The following HEATR5B variants were observed in gnomAD, a reference collection of about 807,000 sequenced individuals.
The protein encoded by HEATR5B is HEAT repeat-containing protein 5B.
HEATR5B carries 156 observed loss-of-function variants against 224.1 expected under a neutral mutation model. The observed-to-expected ratio is 0.70, with a 90% confidence interval of 0.61 to 0.80. HEATR5B has a LOEUF of 0.80. Ranked by LOEUF, HEATR5B falls within the 30% of genes least tolerant of loss-of-function variation. HEATR5B has a pLI of 0.00. For missense variants in HEATR5B, 2,323 were observed against 2,535.5 expected (o/e 0.92, Z 1.80); for synonymous variants, 1,027 against 893.0 (o/e 1.15, Z -2.68).
At chr2:37,082,903 A>T (rs541045576) in intron 2 of HEATR5B, among the ~76,000 whole-genome samples, 1 of 151,544 alleles carries the variant, frequency 6.6e-6, no homozygotes, top group African/African-American at 2.4e-5. Context: ...AATCAAGGCT[A>T]TGCAGGAAGA....
At chr2:37,040,565 T>C in intron 19 of HEATR5B, 47 bp from the exon 20 acceptor site, 1 of 1,420,620 alleles carries the variant, frequency 7.0e-7, no homozygotes, top group Non-Finnish European at 9.8e-7. Flanking sequence ...AGAATTCGAA[T>C]GTACTGAATT....
intron 18 of HEATR5B, among the ~76,000 whole-genome samples, chr2:37,046,101 G>C (rs1279884212): frequency 1.3e-5 from 2 of 152,000 alleles, no homozygotes; most frequent in African/African-American, 4.8e-5. Context: ...ACTTCATTTT[G>C]AACAATGGAA....
At position 37,012,202 on chromosome 2, in the gene HEATR5B, C is replaced by T. The variant is rs539082720; in HGVS notation, c.4284+1639G>A. 1.4e-4 allele frequency among the ~76,000 whole-genome samples: 22 copies of T among 152,122 alleles called. No homozygotes were observed. In the South Asian group the frequency reaches 4.6e-3, roughly 32 times the overall value. On this transcript the variant is annotated intron_variant, in intron 27 of 35. Coordinates refer to ENST00000233099, the MANE Select transcript of HEATR5B (RefSeq NM_019024.3). ...CAGTTTTTTACCTAATGTGTGCGTG[C>T]GTGTGTGTATAATTTCTACCCCAAT...
Position 37,000,170 on chromosome 2 carries a change from C to A in HEATR5B, c.5545+416G>T, listed in dbSNP as rs548556736. 9.2e-5 allele frequency among the ~76,000 whole-genome samples: 14 copies of A among 151,858 alleles called. No individual in the cohort carries two copies. The South Asian group carries it at 2.7e-3, about 29-fold the overall frequency. ...TTGGCTCACCGCAACCTCCACCTCC[C>A]GGGTTCAAGCAATTCTCCTGCCTCA... On this transcript the variant is annotated intron_variant, in intron 33 of 35. Transcript: ENST00000233099.
Position 37,049,777 on chromosome 2 carries a change from T to G in HEATR5B, c.2572A>C (p.Met858Leu), listed in dbSNP as rs1390030211. Residue 858 changes from methionine (M) to leucine (L), a missense_variant, in exon 18 of 36, where the codon ATG (methionine) becomes CTG (leucine). This residue lies in a region of HEATR5B where 170 missense variants were observed against 216.7 expected (regional missense o/e 0.78). Transcript: ENST00000233099. ...GGGTTTGGGTTGTCCAGAGGACCCA[T>G]AACCAGTGTCAGGGCAGATTTACGA... ...EVRKSALTLV[M>L]GPLDNPNPIL... The G allele has an allele frequency of 6.3e-7, 1 of 1,591,374 alleles. No individual in the cohort carries two copies. The highest frequency in any genetic ancestry group is 8.5e-7 in the Non-Finnish European group (1 of 1,172,068).
At chr2:37,008,511 T>G (rs1220814432) in intron 28 of HEATR5B, 100 bp downstream of exon 28, 1 of 811,398 alleles carries the variant, frequency 1.2e-6, no homozygotes, top group Non-Finnish European at 2.1e-6. Flanking sequence ...AAATTTAAAC[T>G]GTTACTATAG....
Position 37,058,496 on chromosome 2 carries a change from T to C in HEATR5B, c.2014A>G (p.Arg672Gly). Residue 672 changes from arginine to glycine, a missense_variant, in exon 14 of 36, where the codon AGA (arginine) becomes GGA (glycine). Coordinates refer to ENST00000233099, the MANE Select transcript of HEATR5B (RefSeq NM_019024.3). ...AACAAAGCCAAGATATCATAAAGTCTTAAACGGACCATTGCAGCACTAGCT... is the reference window on the plus strand; with the variant it reads ...AACAAAGCCAAGATATCATAAAGTCCTAAACGGACCATTGCAGCACTAGCT... ...LKASAAMVRL[R>G]LYDILALLPP... 2 of 1,613,462 alleles carry C rather than the reference T, an allele frequency of 1.2e-6. No homozygotes were observed. The highest frequency in any genetic ancestry group is 1.7e-6 in the Non-Finnish European group (2 of 1,179,446).
At chr2:36,993,736 A>G (rs552197255) in intron 33 of HEATR5B, among the ~76,000 whole-genome samples, 63 of 152,302 alleles carry the variant, frequency 4.1e-4, no homozygotes, top group African/African-American at 1.4e-3. Flanking sequence ...AACATTACAA[A>G]GCAATATGTC....
chr2:37,013,161 C>T (rs746235966), intron 27 of HEATR5B, among the ~76,000 whole-genome samples: 10 of 152,170 alleles, frequency 6.6e-5, no homozygotes, highest in Non-Finnish European at 1.0e-4. Context: ...TTCCCTTAAA[C>T]GTGGTTTCAC....
chr2:36,985,465 T>TG lies in HEATR5B; in HGVS notation c.5911+3180_5911+3181insC, dbSNP rs1019904924. On this transcript the variant is annotated intron_variant, in intron 35 of 35. Transcript: ENST00000233099. The stretch of plus-strand genomic sequence containing the variant: ...CGATGGTGCTTTTTTTTGGTTTTTT[T>TG]TTTTTTTTTTGAGACAGAGTCTCAC... Among the ~76,000 whole-genome samples, 4 of 149,710 alleles carry TG rather than the reference T, an allele frequency of 2.7e-5. No individual in the cohort carries two copies. The South Asian group carries it at 8.5e-4, about 32-fold the overall frequency.
In HEATR5B at chr2:37,002,674, T is replaced by C. The variant is rs1667170950; in HGVS notation, c.5051-102A>G. On this transcript the variant is annotated intron_variant, in intron 31 of 35. Transcript: ENST00000233099. ...TCCTTCAAAAGAATTTATAAGCAAA[T>C]GTCAAATAATGTCACACGTCCTTCT... The C allele has an allele frequency of 2.3e-5, 25 of 1,091,802 alleles. No homozygotes were observed. In the East Asian group the frequency reaches 5.9e-4, roughly 26 times the overall value. The allele number at this position is 1,091,802 out of a possible 1,614,324, so 67.6% of individuals were successfully genotyped here.
In HEATR5B at chr2:37,064,855, C is replaced by T. The variant is rs374609240; in HGVS notation, c.1469G>A (p.Arg490Gln). Residue 490 changes from arginine to glutamine, a missense_variant, in exon 10 of 36, where the codon CGG (arginine) becomes CAG (glutamine). Arg to Gln is a conservative substitution (Grantham distance 43). Around this residue, in one of 12 missense-constraint regions of HEATR5B, gnomAD observed 502 missense variants for 517.8 expected, o/e 0.97. Coordinates refer to ENST00000233099, the MANE Select transcript of HEATR5B (RefSeq NM_019024.3). Reference protein sequence around the residue: ...LTPFLDRCAERLNNLKTSPEA... With the variant: ...LTPFLDRCAEQLNNLKTSPEA... ...TGGTGAGGTCTTCAAGTTGTTGAGC[C>T]GTTCTGCACACCTGTCTAGAAATGG... The T allele has an allele frequency of 5.0e-6, 8 of 1,613,962 alleles. No homozygotes were observed. Among genetic ancestry groups the T allele is most frequent in the African/African-American group, 4.0e-5 (3 of 74,882 alleles).
At chr2:37,031,031 C>T (rs1669096428) in intron 22 of HEATR5B, among the ~76,000 whole-genome samples, 1 of 152,214 alleles carries the variant, frequency 6.6e-6, no homozygotes, top group South Asian at 2.1e-4. Flanking sequence ...ATGGCATCAG[C>T]CCCCAATAAA....
At chr2:37,057,798 C>G (rs923615236) in intron 14 of HEATR5B, among the ~76,000 whole-genome samples, 2 of 152,056 alleles carry the variant, frequency 1.3e-5, no homozygotes, top group African/African-American at 2.4e-5. Context: ...TGCTTGAGCC[C>G]AAGAGATTGA....
intron 31 of HEATR5B, 120 bp from the exon 32 acceptor site, chr2:37,002,692 G>T: frequency 1.1e-6 from 1 of 950,028 alleles, no homozygotes; most frequent in Non-Finnish European, 1.6e-6. Flanking sequence ...AATGTCACAC[G>T]TCCTTCTCTG....
At chr2:36,989,017 G>C (rs926202243) in intron 34 of HEATR5B, among the ~76,000 whole-genome samples, 158 bp from the exon 35 acceptor site, 2 of 152,182 alleles carry the variant, frequency 1.3e-5, no homozygotes, top group African/African-American at 4.8e-5. Context: ...ATAGAATTTT[G>C]TGACAAAAAT....
chr2:37,083,071 T>C (rs1326412492), intron 2 of HEATR5B, among the ~76,000 whole-genome samples: 1 of 152,172 alleles, frequency 6.6e-6, no homozygotes, highest in Non-Finnish European at 1.5e-5. Flanking sequence ...TTTCTCCAGT[T>C]ACAATGAGCT....
In HEATR5B at chr2:37,005,663, G is replaced by C. The variant is rs774953510; in HGVS notation, c.4874C>G (p.Pro1625Arg). The C allele has an allele frequency of 6.2e-7, 1 of 1,613,578 alleles. No individual in the cohort carries two copies. The highest frequency in any genetic ancestry group is 1.1e-5 in the South Asian group (1 of 91,074). The part of the protein sequence containing the change: ...LQALHTLLDS[P>R]YARVHIAEDQ... ...TTCTGCAATATGGACTCGAGCATAA[G>C]GGGAGTCTAGCAAGGTATGTAAGGC... Residue 1625 changes from proline (P) to arginine (R), a missense_variant, in exon 30 of 36, where the codon CCT becomes CGT. Pro to Arg is a moderately radical substitution (Grantham distance 103). Transcript: ENST00000233099.
intron 16 of HEATR5B, chr2:37,054,945 A>G (rs941627037): frequency 6.2e-6 from 1 of 160,836 alleles, no homozygotes; most frequent in Admixed American, 6.4e-5. Flanking sequence ...TTTAAAGCTC[A>G]ATTTATACTA....
Sources: gnomAD v4.1 joint callset for allele counts (sites outside exome capture counted in the v4.1 genomes callset) on GRCh38, gnomAD v4.1.1 for gene constraint, gnomAD v4.1.1 regional missense constraint, MANE v1.5 for transcripts, NCBI Gene and HGNC (gene_info 2026-07-23, HGNC 2026-07-21) for gene names.